Variants in KIF21A observed in about 807,000 individuals in gnomAD.
KIF21A encodes the protein kinesin-like protein KIF21A.
KIF21A carries 114 observed loss-of-function variants against 202.9 expected under a neutral mutation model. The ratio of observed to expected loss-of-function variants is 0.56; its 90% CI spans 0.48 to 0.66. The LOEUF is 0.66. Ranked by LOEUF, KIF21A falls within the 30% of genes least tolerant of loss-of-function variation. The pLI, the probability that KIF21A is intolerant of heterozygous loss-of-function variation, is 0.00. For missense variants in KIF21A, 1,677 were observed against 1,994.9 expected, an observed-to-expected ratio of 0.84 and a Z score of 3.04; for synonymous variants, 667 against 670.8, an observed-to-expected ratio of 0.99 and a Z score of 0.09.
At chr12:39,303,225 G>GA in intron 35 of KIF21A, 90 bp from the exon 36 acceptor site, 14 of 1,059,594 alleles carry the variant, frequency 1.3e-5, no homozygotes, top group Non-Finnish European at 1.7e-5. Context: ...ACACATGTAT[G>GA]TTAATCAGAC....
rs1942970526 is a variant in KIF21A, at chr12:39,301,644, G to A, written c.4767C>T (p.Ala1589=). The change falls in exon 37 of 38, where the codon GCC becomes GCT. Residue 1589 remains alanine, a synonymous_variant. Coordinates refer to ENST00000361418, the MANE Select transcript of KIF21A (RefSeq NM_001173464.2). The part of the protein sequence containing the change: ...VPNAHKDWVC[A]LGVVPDHPVL... ...CTGGGTGGTCTGGCACCACTCCCAG[G>A]GCACAGACCCAATCCTTATGTGCAT... 5.0e-6 allele frequency: 8 copies of A among 1,613,942 alleles called. No individual in the cohort carries two copies. Among genetic ancestry groups the A allele is most frequent in the Non-Finnish European group, 6.8e-6 (8 of 1,179,968 alleles).
chr12:39,309,741 C>T lies in KIF21A; in HGVS notation c.4122G>A (p.Leu1374=). The T allele has an allele frequency of 1.2e-6, 2 of 1,613,168 alleles. No individual in the cohort carries two copies. Among genetic ancestry groups the T allele is most frequent in the Non-Finnish European group, 1.7e-6 (2 of 1,179,668 alleles). The change falls in exon 33 of 38, where the codon CTG becomes CTA. Residue 1374 remains leucine (L), a synonymous_variant. Transcript: ENST00000361418. The part of the protein sequence containing the change: ...SKDRTCKVWN[L]VTGQEIMSLG... ...GTGACATTATTTCCTGCCCAGTCACCAGATTCCATACTTTACAAGTACGAT... is the reference window on the plus strand; with the variant it reads ...GTGACATTATTTCCTGCCCAGTCACTAGATTCCATACTTTACAAGTACGAT...
At chr12:39,372,028 AT>A (rs1283328977) in intron 1 of KIF21A, among the ~76,000 whole-genome samples, 3 of 148,626 alleles carry the variant, frequency 2.0e-5, no homozygotes, top group African/African-American at 7.8e-5. Context: ...ATTTTGTGAA[AT>A]TTAAAAAAAA....
At chr12:39,341,217 A>C in intron 14 of KIF21A, 123 bp from the exon 15 acceptor site, 1 of 861,412 alleles carries the variant, frequency 1.2e-6, no homozygotes, top group Non-Finnish European at 1.8e-6. Flanking sequence ...TTATTAGAAA[A>C]ATTTCCTGGA....
intron 7 of KIF21A, among the ~76,000 whole-genome samples, chr12:39,361,537 T>C (rs1342827865): frequency 4.0e-5 from 6 of 149,006 alleles, no homozygotes; most frequent in Non-Finnish European, 8.9e-5. Context: ...TTTTTTTTTT[T>C]TTGAGACGGA....
chr12:39,305,177 C>A (rs1943334687), intron 34 of KIF21A, among the ~76,000 whole-genome samples: 1 of 151,586 alleles, frequency 6.6e-6, no homozygotes, highest in Admixed American at 6.6e-5. Flanking sequence ...ACCAGCCTGG[C>A]CAACATGGTG....
chr12:39,397,140 A>G (rs181014499), intron 1 of KIF21A, among the ~76,000 whole-genome samples: 56 of 152,354 alleles, frequency 3.7e-4, no homozygotes, highest in Non-Finnish European at 7.6e-4. Context: ...TCAATGTACT[A>G]AATTACTGAA....
At chr12:39,311,253 C>T (rs191906150) in intron 32 of KIF21A, among the ~76,000 whole-genome samples, 164 bp downstream of exon 32, 14 of 152,080 alleles carry the variant, frequency 9.2e-5, no homozygotes, top group African/African-American at 2.6e-4. Context: ...TTACTTGCTG[C>T]TCAACTATGC....
intron 21 of KIF21A, 96 bp from the exon 22 acceptor site, chr12:39,331,887 T>C (rs1946539680): frequency 1.1e-6 from 1 of 946,734 alleles, no homozygotes; most frequent in East Asian, 2.4e-5. Context: ...TAGTATTGGG[T>C]TAGCTAATGA....
intron 1 of KIF21A, among the ~76,000 whole-genome samples, chr12:39,394,066 G>A (rs1280303981): frequency 6.6e-6 from 1 of 152,190 alleles, no homozygotes; most frequent in Non-Finnish European, 1.5e-5. Context: ...AAACCAATCT[G>A]CAGGAAATCC....
At chr12:39,377,125 G>A (rs992530727) in intron 1 of KIF21A, among the ~76,000 whole-genome samples, 8 of 151,948 alleles carry the variant, frequency 5.3e-5, no homozygotes, top group South Asian at 2.1e-4. Context: ...CCTGATTCCC[G>A]CTTTGTGTAG....
rs201587259 is a variant in KIF21A at position 39,416,709 on chromosome 12, ATG to A, written c.44+26216_44+26217del. ...TGTGTATATATATATGTACATATAT[ATG>A]TGTGTATATATGTACATATATATGT... is the stretch of plus-strand genomic sequence containing the variant. On this transcript the variant is annotated intron_variant, in intron 1 of 37. Coordinates refer to ENST00000361418, the MANE Select transcript of KIF21A (RefSeq NM_001173464.2). Among the ~76,000 whole-genome samples the A allele has an allele frequency of 1.3e-3, 109 of 84,370 alleles. 10 individuals are homozygous for A. The highest frequency in any genetic ancestry group is 7.5e-3 in the African/African-American group (90 of 12,048). 55.3% of individuals were successfully genotyped at this position (84,370 alleles called of 152,430 possible).
Position 39,302,962 on chromosome 12 carries a change from T to C in KIF21A, c.4731+3A>G. 1 of 1,612,966 alleles carries C rather than the reference T, an allele frequency of 6.2e-7. No homozygotes were observed. The highest frequency in any genetic ancestry group is 8.5e-7 in the Non-Finnish European group (1 of 1,179,158). On this transcript the variant is annotated splice_donor_region_variant and intron_variant, in intron 36 of 37. Coordinates refer to ENST00000361418, the MANE Select transcript of KIF21A (RefSeq NM_001173464.2). ...TCTATACCATGAAAAGGTTCTGCAT[T>C]ACCTGAAGAAGGTCTTTTTGAGTTA...
At chr12:39,332,544 T>G in intron 20 of KIF21A, 47 bp downstream of exon 20, 6 of 1,367,332 alleles carry the variant, frequency 4.4e-6, no homozygotes, top group Non-Finnish European at 5.8e-6. Context: ...AAGAGTAAAA[T>G]TAACAGTTAG....
intron 13 of KIF21A, 149 bp from the exon 14 acceptor site, chr12:39,341,771 A>T: frequency 1.1e-6 from 1 of 922,074 alleles, no homozygotes; most frequent in Non-Finnish European, 1.6e-6. Flanking sequence ...TTACAGAGTA[A>T]TTTTGTCTTA....
Position 39,340,891 on chromosome 12 carries a change from A to C in KIF21A, c.2110+15T>G. On this transcript the variant is annotated intron_variant, in intron 15 of 37. Transcript: ENST00000361418. ...TTTAGCTTGAACTTTCATTTGAATT[A>C]AATATAATTCTTACCTAAGTTTTGA... The C allele has an allele frequency of 1.3e-6, 2 of 1,567,282 alleles. No individual in the cohort carries two copies. Among genetic ancestry groups the C allele is most frequent in the Non-Finnish European group, 1.8e-6 (2 of 1,138,904 alleles).
At position 39,442,627 on chromosome 12, in the gene KIF21A, G is replaced by C. The variant is rs1305372817; in HGVS notation, c.44+300C>G. Among the ~76,000 whole-genome samples the C allele has an allele frequency of 1.3e-5, 2 of 152,314 alleles. No individual in the cohort carries two copies. The highest frequency in any genetic ancestry group is 4.1e-4 in the South Asian group (2 of 4,828). On this transcript the variant is annotated intron_variant, in intron 1 of 37. Transcript: ENST00000361418. The surrounding 1 kb of genome is among the most constrained non-coding windows in gnomAD (Gnocchi z 5.0). ...GACTGATCCCGCGAGGGGACGGAGGGGAGTGACGAGGGCTTTTCCCCCAGA... is the reference window on the plus strand; with the variant it reads ...GACTGATCCCGCGAGGGGACGGAGGCGAGTGACGAGGGCTTTTCCCCCAGA...
intron 33 of KIF21A, 116 bp downstream of exon 33, chr12:39,309,470 G>C (rs1472683133): frequency 2.8e-6 from 2 of 714,258 alleles, no homozygotes; most frequent in Non-Finnish European, 4.6e-6. Context: ...CTGGGAAGTG[G>C]ACAGGTATAC....
intron 1 of KIF21A, among the ~76,000 whole-genome samples, chr12:39,397,191 A>G (rs190930009): frequency 6.6e-6 from 1 of 152,346 alleles, no homozygotes; most frequent in Admixed American, 6.5e-5. Flanking sequence ...TCTATAAATT[A>G]TACCCCAATA....
Sources: allele counts gnomAD v4.1 joint callset (sites outside exome capture counted in the v4.1 genomes callset), GRCh38; gene constraint gnomAD v4.1.1; non-coding constraint Gnocchi (gnomAD v3.1); transcripts MANE v1.5; gene names NCBI Gene and HGNC (gene_info 2026-07-23, HGNC 2026-07-21).